MYO18A: variants seen among roughly 807,000 people sequenced by gnomAD.
The protein encoded by MYO18A is unconventional myosin-XVIIIa.
A neutral mutation model predicts 235.8 loss-of-function variants in MYO18A; 78 were observed. The observed-to-expected ratio is 0.33, with a 90% CI of 0.28 to 0.40. The LOEUF (loss-of-function observed/expected upper bound fraction) is 0.40. MYO18A is among the 10% of genes least tolerant of loss of function. The pLI, the probability that MYO18A is intolerant of heterozygous loss-of-function variation, is 1.00. For missense variants in MYO18A, 2,215 were observed against 2,699.3 expected (o/e 0.82, Z 3.98); for synonymous variants, 977 against 1,077.8 (o/e 0.91, Z 1.83).
chr17:29,091,175 C>A (rs2066390144), intron 34 of MYO18A: 1 of 498,544 alleles, frequency 2.0e-6, no homozygotes. Flanking sequence ...TGCTTCCTGG[C>A]AGCTCCTTTG....
chr17:29,097,358 G>T lies in MYO18A; in HGVS notation c.4103-8C>A. On this transcript the variant is annotated splice_polypyrimidine_tract_variant and splice_region_variant and intron_variant, in intron 26 of 41. Transcript: ENST00000527372. ...TCAGCCGCCACTCGCCACCTGTGGG[G>T]TTGAGGCAGACAAGGGAGGATGGAG... 1 of 1,607,020 alleles carries T rather than the reference G, an allele frequency of 6.2e-7. No individual in the cohort carries two copies.
intron 1 of MYO18A, among the ~76,000 whole-genome samples, chr17:29,175,916 G>A (rs1432304850): frequency 1.3e-5 from 2 of 152,034 alleles, no homozygotes; most frequent in Non-Finnish European, 2.9e-5. Flanking sequence ...AAAAGTAGCC[G>A]GGCGTGGTGG....
At chr17:29,085,560 C>T in intron 40 of MYO18A, 44 bp downstream of exon 40, 1 of 1,601,872 alleles carries the variant, frequency 6.2e-7, no homozygotes, top group South Asian at 1.1e-5. Flanking sequence ...GGTGGTTAGA[C>T]ACCCGCGAGG....
intron 2 of MYO18A, among the ~76,000 whole-genome samples, chr17:29,124,486 C>A (rs373515277): frequency 6.6e-6 from 1 of 152,190 alleles, no homozygotes; most frequent in Admixed American, 6.5e-5. Flanking sequence ...CCCGGCACTA[C>A]CTCCCGCTGG....
intron 18 of MYO18A, 75 bp downstream of exon 18, chr17:29,110,361 G>A (rs1323239480): frequency 1.5e-5 from 22 of 1,462,444 alleles, no homozygotes; most frequent in South Asian, 2.8e-5. Flanking sequence ...CAGTGTGCTC[G>A]GAGTCCCCAG....
At position 29,074,540 on chromosome 17, in the gene MYO18A, G is replaced by A; in HGVS notation, c.*230C>T. The A allele has an allele frequency of 1.7e-6, 1 of 595,844 alleles. No homozygotes were observed. Among genetic ancestry groups the A allele is most frequent in the Non-Finnish European group, 3.0e-6 (1 of 329,930 alleles). The allele number at this position is 595,844 out of a possible 1,614,324, so 36.9% of individuals were successfully genotyped here. ...AGAAGCCAAGAGTCTGGCATTTTGAGACAGAGGAGCAAAAAGTTCTCTTCA... is the reference window on the plus strand; with the variant it reads ...AGAAGCCAAGAGTCTGGCATTTTGAAACAGAGGAGCAAAAAGTTCTCTTCA... On this transcript the variant is annotated 3_prime_UTR_variant, in exon 42 of 42. Transcript: ENST00000527372. The surrounding 1 kb of genome is among the most constrained non-coding windows in gnomAD (Gnocchi z 4.4).
At chr17:29,093,144 A>C (rs2066439409) in intron 32 of MYO18A, 143 bp from the exon 33 acceptor site, 1 of 1,256,692 alleles carries the variant, frequency 8.0e-7, no homozygotes, top group African/African-American at 1.5e-5. Context: ...ACCAGCGATA[A>C]AGGGCTGGGT....
intron 2 of MYO18A, chr17:29,128,948 G>A (rs2067393496): frequency 2.1e-6 from 2 of 942,496 alleles, no homozygotes; most frequent in Admixed American, 4.6e-5. Flanking sequence ...AGACACAGCA[G>A]AGATGGAGCA....
Position 29,073,677 on chromosome 17 carries a change from T to C in MYO18A, c.*1093A>G. On this transcript the variant is annotated 3_prime_UTR_variant, in exon 42 of 42. Transcript: ENST00000527372. ...CCAAGTCTGGTGGAGTTCTCAGGGATAACCTTTTTAGGGTGGGGGCTGGGA... is the reference window on the plus strand; with the variant it reads ...CCAAGTCTGGTGGAGTTCTCAGGGACAACCTTTTTAGGGTGGGGGCTGGGA... 1.5e-6 allele frequency: 1 copy of C among 683,886 alleles called. No individual in the cohort carries two copies. The highest frequency in any genetic ancestry group is 2.4e-6 in the Non-Finnish European group (1 of 410,906). The allele number at this position is 683,886 out of a possible 1,614,324, so 42.4% of individuals were successfully genotyped here.
chr17:29,081,127 G>T, intron 41 of MYO18A: 1 of 461,828 alleles, frequency 2.2e-6, no homozygotes, highest in South Asian at 9.2e-5. Flanking sequence ...CAGGGGGAGG[G>T]AGGCGAAAGG....
chr17:29,171,040 T>C (rs963598795), intron 1 of MYO18A, among the ~76,000 whole-genome samples: 2 of 152,138 alleles, frequency 1.3e-5, no homozygotes, highest in South Asian at 2.1e-4. Flanking sequence ...ATGGTGGGGG[T>C]AGGAGTGGGA....
chr17:29,146,039 C>T (rs2067841195), intron 2 of MYO18A, among the ~76,000 whole-genome samples: 1 of 152,190 alleles, frequency 6.6e-6, no homozygotes, highest in Non-Finnish European at 1.5e-5. Context: ...GGGCGGACCA[C>T]CTGAGGTCAG....
At chr17:29,169,722 A>G (rs532740894) in intron 1 of MYO18A, among the ~76,000 whole-genome samples, 1 of 152,286 alleles carries the variant, frequency 6.6e-6, no homozygotes, top group South Asian at 2.1e-4. Flanking sequence ...GGGGACTTGG[A>G]TGGGACAAAC....
At chr17:29,159,272 C>T (rs2068123617) in intron 2 of MYO18A, among the ~76,000 whole-genome samples, 1 of 152,054 alleles carries the variant, frequency 6.6e-6, no homozygotes. Context: ...TAGACAATCC[C>T]AAAGACCTTT....
intron 2 of MYO18A, among the ~76,000 whole-genome samples, chr17:29,157,308 C>A (rs1598387877): frequency 6.6e-6 from 1 of 152,298 alleles, no homozygotes; most frequent in South Asian, 2.1e-4. Context: ...TCAGGAGACA[C>A]TGAGAGCAAT....
intron 41 of MYO18A, chr17:29,078,518 C>A (rs1431420979): frequency 5.3e-5 from 8 of 152,332 alleles, no homozygotes; most frequent in Non-Finnish European, 1.2e-4. Context: ...AGGTGTCCAG[C>A]CGCTCCACAG....
intron 41 of MYO18A, 197 bp from the exon 42 acceptor site, chr17:29,075,111 G>T: frequency 1.7e-6 from 1 of 595,752 alleles, no homozygotes. Flanking sequence ...AGCTTTTAAA[G>T]CTCCGAGGAA....
intron 7 of MYO18A, 94 bp from the exon 8 acceptor site, chr17:29,119,529 A>T: frequency 1.3e-5 from 10 of 751,170 alleles, no homozygotes; most frequent in Non-Finnish European, 1.9e-5. Context: ...ATGGTCCTCT[A>T]GGCCCTGGGG....
chr17:29,082,242 G>A (rs2066139458), intron 41 of MYO18A, 74 bp downstream of exon 41: 3 of 1,593,562 alleles, frequency 1.9e-6, no homozygotes, highest in Admixed American at 1.7e-5. Context: ...TGCCCTCATG[G>A]GATCCAGGCG....
Sources: allele counts gnomAD v4.1 joint callset (sites outside exome capture counted in the v4.1 genomes callset), GRCh38; gene constraint gnomAD v4.1.1; non-coding constraint Gnocchi (gnomAD v3.1); transcripts MANE v1.5; gene names NCBI Gene and HGNC (gene_info 2026-07-23, HGNC 2026-07-21).